The following SLC25A35 variants were observed in gnomAD, a reference collection of about 807,000 sequenced individuals.
The protein encoded by SLC25A35 is solute carrier family 25 member 35, also known as solute carrier family 25, member 35.
In SLC25A35, 32 loss-of-function variants were observed where a neutral mutation model predicts 30.5. The observed-to-expected ratio is 1.05, with a 90% CI of 0.79 to 1.41. SLC25A35 has a LOEUF of 1.41. Ranked by LOEUF, SLC25A35 falls within the 40% of genes most tolerant of loss-of-function variation. SLC25A35 has a pLI of 0.00. For missense variants in SLC25A35, 369 were observed against 388.0 expected, an observed-to-expected ratio of 0.95 and a Z score of 0.41; for synonymous variants, 142 against 158.1, an observed-to-expected ratio of 0.90 and a Z score of 0.77.
chr17:8,294,296 C>G, intron 1 of SLC25A35, 137 bp downstream of exon 1: 1 of 867,638 alleles, frequency 1.2e-6, no homozygotes, highest in South Asian at 1.8e-5. Flanking sequence ...GACTCCGAAG[C>G]CTACCAGCAC....
chr17:8,294,684 G>A lies in SLC25A35; in HGVS notation c.124C>T (p.His42Tyr). 1.2e-6 allele frequency: 2 copies of A among 1,614,226 alleles called. No individual in the cohort carries two copies. Among genetic ancestry groups the A allele is most frequent in the Non-Finnish European group, 1.7e-6 (2 of 1,180,050 alleles). ...ELQAPGTYQR[H>Y]YRNVFHAFIT... ...AAGGCATGGAAGACATTTCGGTAGT[G>A]CCGCTGGTATGTGCCAGGGGCCTGC... Residue 42 changes from histidine to tyrosine, a missense_variant, in exon 1 of 5, where the codon CAC becomes TAC. Transcript: ENST00000577745.
At chr17:8,289,004 G>A (rs2151608494), downstream of SLC25A35, 5 of 1,614,138 alleles carry the variant, frequency 3.1e-6, no homozygotes, top group East Asian at 1.1e-4. Context: ...GCCATCCCGT[G>A]ACGGACCAGA....
chr17:8,289,789 C>T (rs1446499546), downstream of SLC25A35: 1 of 1,613,568 alleles, frequency 6.2e-7, no homozygotes, highest in South Asian at 1.1e-5. Flanking sequence ...GATGTTCTGT[C>T]TCCATCTGTT....
chr17:8,289,051 T>G, downstream of SLC25A35: 1 of 1,613,766 alleles, frequency 6.2e-7, no homozygotes, highest in Non-Finnish European at 8.5e-7. Context: ...CAGGCCCACG[T>G]ACGGGGCGAA....
chr17:8,289,608 C>CGGGTATCTCATGACT (rs1990318475), downstream of SLC25A35: 1 of 1,609,378 alleles, frequency 6.2e-7, no homozygotes, highest in Admixed American at 1.7e-5. Flanking sequence ...AAGGAACGGG[C>CGGGTATCTCATGACT]GGGTATCTCA....
rs867713574 is a variant in SLC25A35, at chr17:8,293,794, G to C, written c.375+639C>G. Reference sequence around the variant, plus strand: ...TCTCCATCTCCTGACCTCGTGATCCGCCCGCCTCGGCCTCCCAAAGTGCTG... The same window carrying C: ...TCTCCATCTCCTGACCTCGTGATCCCCCCGCCTCGGCCTCCCAAAGTGCTG... On this transcript the variant is annotated intron_variant, in intron 1 of 4. Transcript: ENST00000577745. Among the ~76,000 whole-genome samples the C allele has an allele frequency of 1.7e-3, 254 of 149,926 alleles. 1 individual carries two copies. The Middle Eastern group carries it at 0.018, about 11-fold the overall frequency.
In SLC25A35 at chr17:8,290,395, G is replaced by C; in HGVS notation, c.*110C>G. The C allele has an allele frequency of 1.4e-6, 2 of 1,467,110 alleles. No homozygotes were observed. The highest frequency in any genetic ancestry group is 1.8e-6 in the Non-Finnish European group (2 of 1,112,124). 90.9% of individuals were successfully genotyped at this position (1,467,110 alleles called of 1,614,324 possible). A position where few individuals can be genotyped will look rare whatever the true frequency, so the allele number is the denominator to read the frequency against. ...GAACAGATGGGGAGTGGGGTTGGCTGTCCCCCATGGATGGATGAAAGGTCA... is the reference window on the plus strand; with the variant it reads ...GAACAGATGGGGAGTGGGGTTGGCTCTCCCCCATGGATGGATGAAAGGTCA... On this transcript the variant is annotated 3_prime_UTR_variant, in exon 5 of 5. Transcript: ENST00000577745.
At chr17:8,289,064 G>T (rs1053514842), downstream of SLC25A35, 8 of 1,613,496 alleles carry the variant, frequency 5.0e-6, no homozygotes, top group African/African-American at 6.7e-5. Flanking sequence ...GGGGCGAAGC[G>T]GCTGCGCGGT....
intron 4 of SLC25A35, 50 bp downstream of exon 4, chr17:8,290,792 T>G: frequency 1.2e-6 from 2 of 1,606,386 alleles, no homozygotes; most frequent in Non-Finnish European, 1.7e-6. Context: ...ACCCGCAATC[T>G]GCCTTCCCCA....
In SLC25A35 at chr17:8,295,004, C is replaced by A. The variant is rs1303109305; in HGVS notation, c.-197G>T. 84 of 1,396,500 alleles carry A rather than the reference C, an allele frequency of 6.0e-5. No individual in the cohort carries two copies. In the South Asian group the frequency reaches 1.1e-3, roughly 18 times the overall value. The allele number at this position is 1,396,500 out of a possible 1,614,324, so 86.5% of individuals were successfully genotyped here. ...TCAGCTGGAATTTGGGAGTCAAGAG[C>A]TGGCAAGCAGGGAAGAGATAGAAAT... On this transcript the variant is annotated 5_prime_UTR_variant, in exon 1 of 5. Coordinates refer to ENST00000577745, the MANE Select transcript of SLC25A35 (RefSeq NM_001320870.2).
At position 8,290,271 on chromosome 17, in the gene SLC25A35, A is replaced by G; in HGVS notation, c.*234T>C. ...CTTTGGGATGACTCGTTCAGCCCTG[A>G]GAGAGGGGTGTGAGTTACCCAGGGA... On this transcript the variant is annotated 3_prime_UTR_variant, in exon 5 of 5. Coordinates refer to ENST00000577745, the MANE Select transcript of SLC25A35 (RefSeq NM_001320870.2). The G allele has an allele frequency of 7.0e-7, 1 of 1,426,638 alleles. No individual in the cohort carries two copies. The highest frequency in any genetic ancestry group is 9.1e-7 in the Non-Finnish European group (1 of 1,096,028). 88.4% of individuals were successfully genotyped at this position (1,426,638 alleles called of 1,614,324 possible).
At position 8,290,576 on chromosome 17, in the gene SLC25A35, CGAGGCGGAAGTAG is replaced by C; in HGVS notation, c.819_831del (p.Tyr274AlafsTer50). ...AAGAGGGAGAGGATGGTGTGGGGGCCGAGGCGGAAGTAGGAGGCACCTATACCCTTGTACATGC... is the reference window on the plus strand; with the variant it reads ...AAGAGGGAGAGGATGGTGTGGGGGCCGAGGCACCTATACCCTTGTACATGC... On this transcript the variant is annotated frameshift_variant, in exon 5 of 5. Coordinates refer to ENST00000577745, the MANE Select transcript of SLC25A35 (RefSeq NM_001320870.2). LOFTEE classifies it high-confidence loss of function. The C allele has an allele frequency of 6.5e-7, 1 of 1,536,050 alleles. No homozygotes were observed. Among genetic ancestry groups the C allele is most frequent in the Non-Finnish European group, 8.7e-7 (1 of 1,146,878 alleles).
chr17:8,289,050 G>T (rs147679793), downstream of SLC25A35: 2 of 1,613,836 alleles, frequency 1.2e-6, no homozygotes, highest in Non-Finnish European at 8.5e-7. Context: ...GCAGGCCCAC[G>T]TACGGGGCGA....
rs1990473785 is a variant in SLC25A35, at chr17:8,291,233, C to T, written c.594+100G>A. On this transcript the variant is annotated intron_variant, in intron 3 of 4. Transcript: ENST00000577745. ...CCTCCAAGCCCTCCTGCCACTCCCTCACCTGTGAATGTTGGGCACCATCCC... is the reference window on the plus strand; with the variant it reads ...CCTCCAAGCCCTCCTGCCACTCCCTTACCTGTGAATGTTGGGCACCATCCC... 2.6e-6 allele frequency: 4 copies of T among 1,530,124 alleles called. No individual in the cohort carries two copies. The African/African-American group carries it at 5.5e-5, about 21-fold the overall frequency. 94.8% of individuals were successfully genotyped at this position (1,530,124 alleles called of 1,614,324 possible).
At position 8,292,527 on chromosome 17, in the gene SLC25A35, T is replaced by C; in HGVS notation, c.437A>G (p.His146Arg). 1 of 1,614,024 alleles carries C rather than the reference T, an allele frequency of 6.2e-7. No individual in the cohort carries two copies. The highest frequency in any genetic ancestry group is 8.5e-7 in the Non-Finnish European group (1 of 1,179,962). Reference protein sequence around the residue: ...SEIAVGHQYKHQGMFQALTEI... With the variant: ...SEIAVGHQYKRQGMFQALTEI... ...GGCAGACTTGGGAACCCTCACCTGATGCTTATACTGGTGCCCTACAGCAAT... is the reference window on the plus strand; with the variant it reads ...GGCAGACTTGGGAACCCTCACCTGACGCTTATACTGGTGCCCTACAGCAAT... The change falls in exon 2 of 5, where the codon CAT (histidine) becomes CGT (arginine). Residue 146 changes from histidine (H) to arginine (R), a missense_variant. Physicochemically the swap from His to Arg is conservative, Grantham distance 29. Transcript: ENST00000577745.
chr17:8,288,635 G>A (rs1990226939), downstream of SLC25A35: 7 of 878,908 alleles, frequency 8.0e-6, no homozygotes, highest in South Asian at 6.9e-5. Flanking sequence ...ATTGGCCAAC[G>A]AGAGCGCAGG....
chr17:8,294,507 TG>T lies in SLC25A35; in HGVS notation c.300del (p.His100GlnfsTer27), dbSNP rs1320969339. The part of the protein sequence containing the change: ...GGYLHTAEGT[H>X]SPARSAAAGA... ...CCAGCTGCTGCGCTGCGGGCAGGAC[TG>T]TGGGTGCCTTCGGCTGTGTGCAGGT... is the stretch of plus-strand genomic sequence containing the variant. On this transcript the variant is annotated frameshift_variant, in exon 1 of 5. Transcript: ENST00000577745. LOFTEE classifies it high-confidence loss of function. 6.2e-7 allele frequency: 1 copy of T among 1,613,614 alleles called. No individual in the cohort carries two copies. Among genetic ancestry groups the T allele is most frequent in the South Asian group, 1.1e-5 (1 of 91,070 alleles).
chr17:8,290,773 C>T (rs774242320), intron 4 of SLC25A35, 69 bp downstream of exon 4: 17 of 1,602,700 alleles, frequency 1.1e-5, no homozygotes, highest in Non-Finnish European at 1.4e-5. Context: ...TTCAGGCTAT[C>T]CCACCTGCAC....
rs756698938 is a variant in SLC25A35 at position 8,291,333 on chromosome 17, C to T, written c.594G>A (p.Glu198=). The T allele has an allele frequency of 1.9e-6, 3 of 1,614,096 alleles. No homozygotes were observed. Among genetic ancestry groups the T allele is most frequent in the Middle Eastern group, 1.7e-4 (1 of 6,038 alleles). Residue 198 remains glutamate (E), a splice_region_variant and synonymous_variant, in exon 3 of 5, where the codon GAG becomes GAA. Transcript: ENST00000577745. ...SSTKDLLSQW[E]IFPPQSWKLA... ...GACCCACCCATTTCCCAGGCAGTAC[C>T]TCCCACTGGCTCAGGAGGTCCTTGG...
Sources: gnomAD v4.1 joint callset for allele counts (sites outside exome capture counted in the v4.1 genomes callset) on GRCh38, gnomAD v4.1.1 for gene constraint, MANE v1.5 for transcripts, NCBI Gene and HGNC (gene_info 2026-07-23, HGNC 2026-07-21) for gene names.